KIF17: variants seen among roughly 807,000 people sequenced by gnomAD.
KIF17 encodes the protein kinesin family member 17.
KIF17 carries 80 observed loss-of-function variants against 96.8 expected under a neutral mutation model. That is an observed-to-expected ratio of 0.83 (90% CI 0.69 to 1.00). The LOEUF (loss-of-function observed/expected upper bound fraction) is 1.00. KIF17 is among the 50% of genes least tolerant of loss of function. KIF17 has a pLI of 0.00. For missense variants in KIF17, 1,280 were observed against 1,372.9 expected (o/e 0.93, Z 1.07); for synonymous variants, 567 against 587.5 (o/e 0.97, Z 0.51).
chr1:20,673,632 G>A (rs2053686767), intron 11 of KIF17, among the ~76,000 whole-genome samples: 1 of 151,038 alleles, frequency 6.6e-6, no homozygotes, highest in Admixed American at 6.6e-5. Context: ...CAGGGTTTGA[G>A]CGATTGTTAT....
intron 4 of KIF17, among the ~76,000 whole-genome samples, chr1:20,708,890 TGAG>T (rs1269279698): frequency 6.6e-6 from 1 of 151,946 alleles, no homozygotes; most frequent in Non-Finnish European, 1.5e-5. Flanking sequence ...ATGAGATGAC[TGAG>T]GAGTAGAGAA....
At chr1:20,683,873 C>T (rs1310843996) in intron 10 of KIF17, among the ~76,000 whole-genome samples, 1 of 151,590 alleles carries the variant, frequency 6.6e-6, no homozygotes, top group Non-Finnish European at 1.5e-5. Context: ...AGGATGCCAC[C>T]CCTGCAGCAA....
intron 4 of KIF17, among the ~76,000 whole-genome samples, chr1:20,705,893 C>CTTTTCTTTT (rs2054332754): frequency 1.9e-5 from 1 of 53,560 alleles, no homozygotes; most frequent in Non-Finnish European, 3.6e-5. Flanking sequence ...TAGGATGTCT[C>CTTTTCTTTT]TTTTTTTTTT....
rs1236387765 is a variant in KIF17 at position 20,672,092 on chromosome 1, G to A, written c.2568C>T (p.Leu856=). ...GCACCTGCTCCAGGAGCTGCTGCAAGAGCATGGAGTCACGCTCCTGCCGGC... is the reference window on the plus strand; with the variant it reads ...GCACCTGCTCCAGGAGCTGCTGCAAAAGCATGGAGTCACGCTCCTGCCGGC... ...TIRRQERDSM[L]LQQLLEQVQP... The change falls in exon 12 of 15, where the codon CTC becomes CTT. Residue 856 remains leucine (L), a synonymous_variant. Coordinates refer to ENST00000400463, the MANE Select transcript of KIF17 (RefSeq NM_001122819.3). This position sits in a 1 kb window ranked among gnomAD's most constrained non-coding sequence, Gnocchi z 4.3. 1.2e-6 allele frequency: 2 copies of A among 1,614,216 alleles called. No individual in the cohort carries two copies. The highest frequency in any genetic ancestry group is 1.1e-5 in the South Asian group (1 of 91,084).
rs925724434 is a variant in KIF17 at position 20,672,264 on chromosome 1, C to T, written c.2464-68G>A. 3 of 1,587,760 alleles carry T rather than the reference C, an allele frequency of 1.9e-6. No homozygotes were observed. In the Admixed American group the frequency reaches 5.2e-5, roughly 27 times the overall value. On this transcript the variant is annotated intron_variant, in intron 11 of 14. Coordinates refer to ENST00000400463, the MANE Select transcript of KIF17 (RefSeq NM_001122819.3). This position sits in a 1 kb window ranked among gnomAD's most constrained non-coding sequence, Gnocchi z 4.3. ...TCCCCTTCCATCTAACCACCCTGTC[C>T]ACTCACTGTCCTGCCAGCAGCCACG... is the stretch of plus-strand genomic sequence containing the variant.
chr1:20,689,884 T>C (rs373522793), intron 7 of KIF17, among the ~76,000 whole-genome samples: 15 of 152,334 alleles, frequency 9.8e-5, no homozygotes, highest in East Asian at 7.7e-4. Context: ...AGTCCATGGC[T>C]AAGCCATCCC....
intron 11 of KIF17, among the ~76,000 whole-genome samples, chr1:20,680,061 T>G (rs1262040506): frequency 6.6e-6 from 1 of 152,186 alleles, no homozygotes; most frequent in East Asian, 1.9e-4. Context: ...CTCCGCTCAC[T>G]GCAACCTCCA....
At chr1:20,679,084 G>A (rs1024566261) in intron 11 of KIF17, among the ~76,000 whole-genome samples, 14 of 151,560 alleles carry the variant, frequency 9.2e-5, no homozygotes, top group African/African-American at 1.7e-4. Context: ...GGCTGAGGCC[G>A]GCAGATCATT....
At chr1:20,673,031 C>G (rs1345332647) in intron 11 of KIF17, 1 of 152,162 alleles carries the variant, frequency 6.6e-6, no homozygotes, top group Non-Finnish European at 1.5e-5. Context: ...TTGAAACCAG[C>G]CTGGCCAACA....
At position 20,707,781 on chromosome 1, in the gene KIF17, A is replaced by ATGTGTGTGTGTGTGTGTGTG. The variant is rs1436276510; in HGVS notation, c.670+1857_670+1858insCACACACACACACACACACA. Among the ~76,000 whole-genome samples, 20 of 90,930 alleles carry ATGTGTGTGTGTGTGTGTGTG rather than the reference A, an allele frequency of 2.2e-4. 1 individual carries two copies. Among genetic ancestry groups the ATGTGTGTGTGTGTGTGTGTG allele is most frequent in the African/African-American group, 9.5e-4 (19 of 19,952 alleles). The allele number at this position is 90,930 out of a possible 152,430, so 59.7% of individuals were successfully genotyped here. ...CTGTCTCAAAAAAAAAAACAAACCAATGTGTATGTGTGTGTGTGTGTGTGT... is the reference window on the plus strand; with the variant it reads ...CTGTCTCAAAAAAAAAAACAAACCAATGTGTGTGTGTGTGTGTGTGTGTGTATGTGTGTGTGTGTGTGTGT... On this transcript the variant is annotated intron_variant, in intron 4 of 14. Transcript: ENST00000400463.
chr1:20,686,505 CACA>C, intron 8 of KIF17: 1 of 255,920 alleles, frequency 3.9e-6, no homozygotes, highest in Non-Finnish European at 7.7e-6. Context: ...ACAAAATACA[CACA>C]CACACACACA....
chr1:20,684,650 C>T (rs564793454), intron 10 of KIF17, among the ~76,000 whole-genome samples, 159 bp downstream of exon 10: 47 of 152,308 alleles, frequency 3.1e-4, no homozygotes, highest in Non-Finnish European at 5.3e-4. Flanking sequence ...GAGCCCTGCC[C>T]GCCTAGTCCC....
At chr1:20,703,707 A>T (rs2054287878) in intron 5 of KIF17, among the ~76,000 whole-genome samples, 2 of 151,956 alleles carry the variant, frequency 1.3e-5, no homozygotes, top group African/African-American at 4.8e-5. Context: ...GAATGAATAG[A>T]TGGAGAGGAA....
At chr1:20,669,856 C>A (rs1423484963) in intron 13 of KIF17, among the ~76,000 whole-genome samples, 1 of 82,866 alleles carries the variant, frequency 1.2e-5, no homozygotes, top group African/African-American at 5.0e-5. Context: ...CAGAGCGAGA[C>A]TCCATCTCAA....
chr1:20,698,423 C>T lies in KIF17; in HGVS notation c.1189G>A (p.Val397Met), dbSNP rs758075169. The T allele has an allele frequency of 2.5e-6, 4 of 1,613,890 alleles. No individual in the cohort carries two copies. The Middle Eastern group carries it at 5.0e-4, about 200-fold the overall frequency. ...QVEEKLLPQPVIQHDVEAEKQ... is the reference protein window; with the variant it reads ...QVEEKLLPQPMIQHDVEAEKQ... ...TCGGCCTCCACGTCATGCTGGATCA[C>T]AGGTTGGGGCAACAGCTTCTCCTCC... The change falls in exon 6 of 15, where the codon GTG (valine) becomes ATG (methionine). Residue 397 changes from valine to methionine, a missense_variant. Val to Met is a conservative substitution (Grantham distance 21, BLOSUM62 1). Transcript: ENST00000400463.
chr1:20,680,837 A>C (rs887136216), intron 11 of KIF17, among the ~76,000 whole-genome samples: 1 of 151,860 alleles, frequency 6.6e-6, no homozygotes, highest in African/African-American at 2.4e-5. Context: ...AAAATAGCCA[A>C]GAAAGGCCAG....
At position 20,685,310 on chromosome 1, in the gene KIF17, A is replaced by C; in HGVS notation, c.2020-290T>G. 1.0e-5 allele frequency: 6 copies of C among 589,770 alleles called. No homozygotes were observed. Among genetic ancestry groups the C allele is most frequent in the Middle Eastern group, 2.9e-4 (1 of 3,402 alleles). The allele number at this position is 589,770 out of a possible 1,614,324, so 36.5% of individuals were successfully genotyped here. ...CCATCTTAAAATAGAAACCGATCAC[A>C]TCCCGTTCCCGATGAGCCCCATGTG... On this transcript the variant is annotated intron_variant, in intron 9 of 14. Transcript: ENST00000400463. This position sits in a 1 kb window ranked among gnomAD's most constrained non-coding sequence, Gnocchi z 4.1.
chr1:20,686,232 A>C (rs1416808652), intron 8 of KIF17, 106 bp from the exon 9 acceptor site: 8 of 842,258 alleles, frequency 9.5e-6, no homozygotes, highest in African/African-American at 1.8e-5. Context: ...GCCTCCCACC[A>C]CCCCCCAACC....
Position 20,714,796 on chromosome 1 carries a change from C to CA in KIF17, c.378+696dup, listed in dbSNP as rs34182653. Among the ~76,000 whole-genome samples, 669 of 107,564 alleles carry CA rather than the reference C, an allele frequency of 6.2e-3. 28 individuals are homozygous for CA. The highest frequency in any genetic ancestry group is 0.023 in the Admixed American group (228 of 9,950). The allele number at this position is 107,564 out of a possible 152,430, so 70.6% of individuals were successfully genotyped here. ...TGGGTGACAGAGCAAGACTCCGTCT[C>CA]AAAAAAAAAAAAAAAAAAACACCTG... is the stretch of plus-strand genomic sequence containing the variant. On this transcript the variant is annotated intron_variant, in intron 2 of 14. Coordinates refer to ENST00000400463, the MANE Select transcript of KIF17 (RefSeq NM_001122819.3).
Sources: allele counts gnomAD v4.1 joint callset (sites outside exome capture counted in the v4.1 genomes callset), GRCh38; gene constraint gnomAD v4.1.1; non-coding constraint Gnocchi (gnomAD v3.1); transcripts MANE v1.5; gene names NCBI Gene and HGNC (gene_info 2026-07-23, HGNC 2026-07-21).